STAG1: variants seen among roughly 807,000 people sequenced by gnomAD.
STAG1 encodes the protein cohesin subunit SA-1.
A neutral mutation model predicts 170.9 loss-of-function variants in STAG1; 26 were observed. That is an observed-to-expected ratio of 0.15 (90% CI 0.11 to 0.21). The LOEUF is 0.21. Ranked by LOEUF, STAG1 falls within the 10% of genes least tolerant of loss-of-function variation. The pLI, the probability that STAG1 is intolerant of heterozygous loss-of-function variation, is 1.00. For synonymous variants in STAG1, 514 were observed against 497.7 expected (o/e 1.03, Z -0.44); for missense variants, 964 against 1,509.5 (o/e 0.64, Z 5.99).
intron 16 of STAG1, among the ~76,000 whole-genome samples, chr3:136,431,618 C>A (rs186505116): frequency 2.0e-4 from 30 of 152,292 alleles, no homozygotes; most frequent in Non-Finnish European, 2.8e-4. Flanking sequence ...GCAACACATT[C>A]TCCAAATTTT....
chr3:136,625,343 C>A (rs576996701), intron 2 of STAG1, among the ~76,000 whole-genome samples: 1 of 152,336 alleles, frequency 6.6e-6, no homozygotes, highest in South Asian at 2.1e-4. Context: ...TGTGTAACTT[C>A]TATGCAAATG....
intron 22 of STAG1, among the ~76,000 whole-genome samples, chr3:136,388,756 T>C (rs2086931356): frequency 6.6e-6 from 1 of 152,156 alleles, no homozygotes; most frequent in South Asian, 2.1e-4. Context: ...AAAACAATTT[T>C]TAATGAAAAA....
rs1296667509 is a variant in STAG1, at chr3:136,498,280, C to CAT, written c.902+1942_902+1943insAT. Among the ~76,000 whole-genome samples the CAT allele has an allele frequency of 5.6e-3, 434 of 78,082 alleles. 6 individuals carry two copies. In the East Asian group the frequency reaches 0.058, roughly 10 times the overall value. The allele number at this position is 78,082 out of a possible 152,430, so 51.2% of individuals were successfully genotyped here. ...CACACACACACACACACACCACACA[C>CAT]ACATACACACACACACACACACACA... On this transcript the variant is annotated intron_variant, in intron 9 of 33. Coordinates refer to ENST00000383202, the MANE Select transcript of STAG1 (RefSeq NM_005862.3).
At chr3:136,475,269 C>T (rs2089720905) in intron 10 of STAG1, among the ~76,000 whole-genome samples, 1 of 151,474 alleles carries the variant, frequency 6.6e-6, no homozygotes, top group African/African-American at 2.4e-5. Flanking sequence ...GTCTCAGCCT[C>T]CCGAGTAGCT....
chr3:136,514,113 T>C (rs1934221974), intron 7 of STAG1, among the ~76,000 whole-genome samples: 1 of 152,212 alleles, frequency 6.6e-6, no homozygotes, highest in African/African-American at 2.4e-5. Flanking sequence ...GTAAGTAGTA[T>C]ATGTAATTTT....
intron 16 of STAG1, among the ~76,000 whole-genome samples, chr3:136,431,329 G>C (rs1341728156): frequency 1.3e-5 from 2 of 151,916 alleles, no homozygotes; most frequent in African/African-American, 4.8e-5. Context: ...CTGGAGTGCA[G>C]TGGCACGATC....
chr3:136,718,977 G>A (rs1268673611), intron 1 of STAG1, among the ~76,000 whole-genome samples: 4 of 152,092 alleles, frequency 2.6e-5, no homozygotes, highest in Admixed American at 6.6e-5. Context: ...AACCATTCTG[G>A]AAAACAATTT....
intron 5 of STAG1, among the ~76,000 whole-genome samples, chr3:136,555,220 A>G (rs1450636154): frequency 6.6e-6 from 1 of 151,516 alleles, no homozygotes; most frequent in East Asian, 1.9e-4. Flanking sequence ...AAAATAATAA[A>G]AACACCAGAA....
intron 12 of STAG1, among the ~76,000 whole-genome samples, chr3:136,470,388 CTCA>C (rs1355675809): frequency 6.6e-6 from 1 of 152,172 alleles, no homozygotes; most frequent in Non-Finnish European, 1.5e-5. Context: ...TGAAATAATG[CTCA>C]TCATCACTGG....
intron 9 of STAG1, among the ~76,000 whole-genome samples, chr3:136,486,802 G>C (rs943702862): frequency 1.1e-4 from 16 of 151,962 alleles, no homozygotes; most frequent in Admixed American, 2.6e-4. Flanking sequence ...ATGGCTGTTT[G>C]CAACAGGCTA....
chr3:136,464,992 A>C lies in STAG1; in HGVS notation c.1206-4T>G. The C allele has an allele frequency of 1.9e-6, 3 of 1,595,484 alleles. No individual in the cohort carries two copies. The highest frequency in any genetic ancestry group is 2.6e-6 in the Non-Finnish European group (3 of 1,169,638). The stretch of plus-strand genomic sequence containing the variant: ...GGAAAGAGCTTCTTCACTTCCACTG[A>C]AAAATACAGAAAGTAACATCTGATC... On this transcript the variant is annotated splice_polypyrimidine_tract_variant and splice_region_variant and intron_variant, in intron 12 of 33. Transcript: ENST00000383202.
chr3:136,748,427 C>T (rs947106523), intron 1 of STAG1, among the ~76,000 whole-genome samples: 1 of 151,778 alleles, frequency 6.6e-6, no homozygotes, highest in Non-Finnish European at 1.5e-5. Context: ...GACGGGGTCT[C>T]ACTCTGTCAC....
At chr3:136,506,882 G>A (rs1933796391) in intron 7 of STAG1, among the ~76,000 whole-genome samples, 1 of 152,234 alleles carries the variant, frequency 6.6e-6, no homozygotes, top group East Asian at 1.9e-4. Flanking sequence ...GGTATTATTT[G>A]TGTGTTGTAA....
intron 5 of STAG1, among the ~76,000 whole-genome samples, chr3:136,555,945 A>G (rs560903792): frequency 5.9e-5 from 9 of 152,290 alleles, no homozygotes; most frequent in Middle Eastern, 6.8e-3. Context: ...AGGACAGGCA[A>G]TCTCACTGAT....
At chr3:136,516,127 C>A (rs1934361909) in intron 7 of STAG1, among the ~76,000 whole-genome samples, 1 of 152,014 alleles carries the variant, frequency 6.6e-6, no homozygotes, top group Non-Finnish European at 1.5e-5. Flanking sequence ...CACATCTTAA[C>A]CATAGAAACC....
chr3:136,749,947 T>G (rs1576849090), intron 1 of STAG1, among the ~76,000 whole-genome samples: 1 of 148,248 alleles, frequency 6.7e-6, no homozygotes, highest in African/African-American at 2.5e-5. Context: ...CCCCCCTAAA[T>G]AAAGATATAA....
intron 22 of STAG1, among the ~76,000 whole-genome samples, chr3:136,393,575 C>T (rs896060334): frequency 7.3e-5 from 11 of 151,456 alleles, no homozygotes; most frequent in South Asian, 2.1e-4. Flanking sequence ...AACAAAGTCC[C>T]TTCCTACGCT....
Position 136,473,647 on chromosome 3 carries a change from T to C in STAG1, c.1027-10A>G, listed in dbSNP as rs770698946. On this transcript the variant is annotated splice_polypyrimidine_tract_variant and intron_variant, in intron 10 of 33. Coordinates refer to ENST00000383202, the MANE Select transcript of STAG1 (RefSeq NM_005862.3). Reference sequence around the variant, plus strand: ...GCCTGACTTCCCCTTGCTTCAGAAATACAAATAAAAGCACAACAGAAGGAG... The same window carrying C: ...GCCTGACTTCCCCTTGCTTCAGAAACACAAATAAAAGCACAACAGAAGGAG... 55 of 1,604,068 alleles carry C rather than the reference T, an allele frequency of 3.4e-5. No homozygotes were observed. The highest frequency in any genetic ancestry group is 4.6e-5 in the Non-Finnish European group (54 of 1,173,012).
At chr3:136,473,059 G>C (rs532690791) in intron 11 of STAG1, among the ~76,000 whole-genome samples, 1 of 152,162 alleles carries the variant, frequency 6.6e-6, no homozygotes, top group East Asian at 1.9e-4. Flanking sequence ...AATCAGCAGT[G>C]GCATTAGATT....
Sources: allele counts gnomAD v4.1 joint callset (sites outside exome capture counted in the v4.1 genomes callset), GRCh38; gene constraint gnomAD v4.1.1; transcripts MANE v1.5; gene names NCBI Gene and HGNC (gene_info 2026-07-23, HGNC 2026-07-21).